The following MAPK10 variants were observed in gnomAD, a reference collection of about 807,000 sequenced individuals.
MAPK10 encodes the protein mitogen-activated protein kinase 10.
In MAPK10, 25 loss-of-function variants were observed where a neutral mutation model predicts 59.3. The observed-to-expected ratio is 0.42, with a 90% CI of 0.31 to 0.59. The LOEUF (loss-of-function observed/expected upper bound fraction) is 0.59, where lower values mean the gene tolerates loss of function less well. Ranked by LOEUF, MAPK10 falls within the 20% of genes least tolerant of loss-of-function variation. The probability of loss-of-function intolerance (pLI) is 0.15; values close to 1 mark genes in which losing one functional copy is unlikely to be tolerated. For synonymous variants in MAPK10, 190 were observed against 200.5 expected (o/e 0.95, Z 0.44); for missense variants, 351 against 568.9 (o/e 0.62, Z 3.90).
chr4:86,552,622 G>T (rs1056186975), intron 1 of MAPK10, among the ~76,000 whole-genome samples: 2 of 152,066 alleles, frequency 1.3e-5, no homozygotes, highest in African/African-American at 4.8e-5. Context: ...ATCCTCTGTG[G>T]GTCTCTTGCA....
intron 1 of MAPK10, among the ~76,000 whole-genome samples, chr4:86,388,427 A>C (rs1326551830): frequency 6.6e-6 from 1 of 152,224 alleles, no homozygotes; most frequent in Non-Finnish European, 1.5e-5. Context: ...CAGTAAATAT[A>C]AAAGCAAACA....
At chr4:86,535,447 C>T (rs1758165977) in intron 1 of MAPK10, among the ~76,000 whole-genome samples, 1 of 152,166 alleles carries the variant, frequency 6.6e-6, no homozygotes, top group Non-Finnish European at 1.5e-5. Context: ...ACTCTGTCAT[C>T]CCAGCTGGAC....
chr4:86,456,083 GGA>G (rs1751202414), upstream of MAPK10, among the ~76,000 whole-genome samples: 1 of 152,044 alleles, frequency 6.6e-6, no homozygotes, highest in Non-Finnish European at 1.5e-5. Context: ...AAATCAAGAT[GGA>G]AATTTAAAAA....
At chr4:86,385,054 T>C (rs1038376848) in intron 1 of MAPK10, among the ~76,000 whole-genome samples, 5 of 152,146 alleles carry the variant, frequency 3.3e-5, no homozygotes, top group Admixed American at 3.3e-4. Flanking sequence ...AGCATTAGCA[T>C]AGTAGGTTTA....
chr4:86,560,308 CCAAAGTCTACCAGTGTG>C (rs1760577730), intron 1 of MAPK10, among the ~76,000 whole-genome samples: 1 of 152,146 alleles, frequency 6.6e-6, no homozygotes, highest in Admixed American at 6.5e-5. Flanking sequence ...TCAGTATTTT[CCAAAGTCTACCAGTGTG>C]TGCCCCTACA....
chr4:86,184,456 A>G (rs943420755), intron 3 of MAPK10, among the ~76,000 whole-genome samples: 3 of 152,164 alleles, frequency 2.0e-5, no homozygotes, highest in Admixed American at 1.3e-4. Flanking sequence ...CATAAGCAAA[A>G]CATGTATGAT....
At chr4:86,500,774 CATT>C (rs770825322) in intron 1 of MAPK10, among the ~76,000 whole-genome samples, 31 of 152,092 alleles carry the variant, frequency 2.0e-4, no homozygotes, top group Non-Finnish European at 3.2e-4. Flanking sequence ...AAAGCAATAT[CATT>C]AGACTGACTC....
At chr4:86,027,482 T>C (rs1003507164) in intron 13 of MAPK10, 3 of 152,202 alleles carry the variant, frequency 2.0e-5, no homozygotes, top group African/African-American at 4.8e-5. Flanking sequence ...AAAATGCCAA[T>C]AGCAAGAATT....
At chr4:86,218,568 C>CAAAAAAAAAAAAAAAAAAAA (rs11330422) in intron 2 of MAPK10, among the ~76,000 whole-genome samples, 2 of 95,452 alleles carry the variant, frequency 2.1e-5, no homozygotes, top group African/African-American at 3.2e-5. Context: ...AAGACTTAAG[C>CAAAAAAAAAAAAAAAAAAAA]AAAAAAAAAA....
chr4:86,116,836 A>G (rs10212952), intron 4 of MAPK10, among the ~76,000 whole-genome samples: 122,132 of 152,222 alleles, frequency 0.8, 49,153 homozygotes, highest in East Asian at 0.89. Flanking sequence ...ATAATGTATA[A>G]ATAGTGCCTC....
rs1310965127 is a variant in MAPK10 at position 86,421,466 on chromosome 4, C to T, written c.-122+31564G>A. Among the ~76,000 whole-genome samples the T allele has an allele frequency of 2.0e-5, 3 of 152,240 alleles. No homozygotes were observed. In the East Asian group the frequency reaches 5.8e-4, roughly 29 times the overall value. On this transcript the variant is annotated intron_variant, in intron 1 of 13. Coordinates refer to the MAPK10 transcript ENST00000361569. ...ATATTTAGCAGAGTTTCTAGCAGCG[C>T]CCCCTTGCACACTCACAAGTGTCTT...
chr4:86,323,315 A>C (rs2095944530), intron 2 of MAPK10, among the ~76,000 whole-genome samples: 1 of 152,210 alleles, frequency 6.6e-6, no homozygotes, highest in South Asian at 2.1e-4. Context: ...CGAAGTCTCT[A>C]AATGTGGTCA....
At chr4:86,198,017 A>G (rs1486243983) in intron 2 of MAPK10, among the ~76,000 whole-genome samples, 1 of 152,162 alleles carries the variant, frequency 6.6e-6, no homozygotes, top group African/African-American at 2.4e-5. Context: ...CTATGCATTA[A>G]ATCATGCTGA....
chr4:86,499,788 G>A (rs945258420), intron 1 of MAPK10, among the ~76,000 whole-genome samples: 6 of 152,158 alleles, frequency 3.9e-5, no homozygotes, highest in Non-Finnish European at 8.8e-5. Context: ...TTGGTAAACA[G>A]TAAGTGGGCC....
At chr4:86,019,353 C>A (rs1417240669) in intron 13 of MAPK10, among the ~76,000 whole-genome samples, 1 of 152,040 alleles carries the variant, frequency 6.6e-6, no homozygotes, top group Non-Finnish European at 1.5e-5. Context: ...TCTTAAATGT[C>A]TCTAGAAAAG....
chr4:86,574,933 T>A (rs1380885751), intron 1 of MAPK10, among the ~76,000 whole-genome samples: 1 of 152,178 alleles, frequency 6.6e-6, no homozygotes, highest in Non-Finnish European at 1.5e-5. Context: ...AACTTGATTG[T>A]GCCAAAGTGT....
At chr4:86,165,676 C>T (rs558152282) in intron 3 of MAPK10, among the ~76,000 whole-genome samples, 15 of 145,240 alleles carry the variant, frequency 1.0e-4, no homozygotes, top group Admixed American at 2.2e-4. Flanking sequence ...GCTGATATTA[C>T]AGGCGTGAGC....
intron 1 of MAPK10, among the ~76,000 whole-genome samples, chr4:86,557,128 A>T (rs1032042032): frequency 1.3e-5 from 2 of 151,272 alleles, no homozygotes; most frequent in Non-Finnish European, 3.0e-5. Context: ...ATTTGGGATT[A>T]AAAAAAAATG....
chr4:86,029,187 G>A lies in MAPK10; in HGVS notation c.1252+10C>T, dbSNP rs1044902618. On this transcript the variant is annotated intron_variant, in intron 13 of 13. Transcript: ENST00000641462. ...TACTAGTTTATTGGTTATTCACGGA[G>A]AGTGAGTACCTGAAGGAGAAGGCTG... 3 of 1,586,694 alleles carry A rather than the reference G, an allele frequency of 1.9e-6. No homozygotes were observed. Among genetic ancestry groups the A allele is most frequent in the African/African-American group, 1.3e-5 (1 of 74,412 alleles).
Sources: gnomAD v4.1 joint callset for allele counts (sites outside exome capture counted in the v4.1 genomes callset) on GRCh38, gnomAD v4.1.1 for gene constraint, MANE v1.5 for transcripts, NCBI Gene and HGNC (gene_info 2026-07-23, HGNC 2026-07-21) for gene names.